YEATS2: variants seen among roughly 807,000 people sequenced by gnomAD.
YEATS2 encodes the protein YEATS domain containing 2.
YEATS2 carries 77 observed loss-of-function variants against 163.2 expected under a neutral mutation model. The observed-to-expected ratio is 0.47, with a 90% CI of 0.39 to 0.57. YEATS2 has a LOEUF of 0.57. Ranked by LOEUF, YEATS2 falls within the 20% of genes least tolerant of loss-of-function variation. The probability of loss-of-function intolerance (pLI) is 0.00; values close to 1 mark genes in which losing one functional copy is unlikely to be tolerated. For synonymous variants in YEATS2, 631 were observed against 645.1 expected (o/e 0.98, Z 0.33); for missense variants, 1,549 against 1,729.8 (o/e 0.90, Z 1.85).
intron 5 of YEATS2, among the ~76,000 whole-genome samples, chr3:183,723,605 T>C (rs1402411739): frequency 1.3e-5 from 2 of 152,060 alleles, no homozygotes; most frequent in Non-Finnish European, 2.9e-5. Context: ...TGTGTTTTTC[T>C]TTTTTTTAGT....
chr3:183,749,919 G>A (rs1199918910), intron 9 of YEATS2, among the ~76,000 whole-genome samples: 2 of 152,080 alleles, frequency 1.3e-5, no homozygotes, highest in East Asian at 1.9e-4. Context: ...CCGGGTTCAC[G>A]CCATTCTCCT....
rs573338439 is a variant in YEATS2 at position 183,795,455 on chromosome 3, ATTTTTTTTTTTT to A, written c.3098-2451_3098-2440del. ...AGGGGCATGCCACCACACGGGACTA[ATTTTTTTTTTTT>A]TTTTTTTTTTTTTTTTAGAGACGGG... is the stretch of plus-strand genomic sequence containing the variant. On this transcript the variant is annotated intron_variant, in intron 21 of 30. Coordinates refer to ENST00000305135, the MANE Select transcript of YEATS2 (RefSeq NM_018023.5). 7.8e-4 allele frequency among the ~76,000 whole-genome samples: 62 copies of A among 79,936 alleles called. No individual in the cohort carries two copies. In the East Asian group the frequency reaches 9.0e-3, roughly 12 times the overall value. 52.4% of individuals were successfully genotyped at this position (79,936 alleles called of 152,430 possible). A position where few individuals can be genotyped will look rare whatever the true frequency, so the allele number is the denominator to read the frequency against.
In YEATS2 at chr3:183,718,354, G is replaced by T. The variant is rs116652185; in HGVS notation, c.199-146G>T. 6.5e-3 allele frequency: 3,960 copies of T among 604,584 alleles called. 124 individuals carry two copies. The African/African-American group carries it at 0.069, about 11-fold the overall frequency. The allele number at this position is 604,584 out of a possible 1,614,324, so 37.5% of individuals were successfully genotyped here. A position where few individuals can be genotyped will look rare whatever the true frequency, so the allele number is the denominator to read the frequency against. ...CTTTGCGAATCTGATGGGTGGAAAAGGTCACTTTTATTTGTTTTTCTTTTG... is the reference window on the plus strand; with the variant it reads ...CTTTGCGAATCTGATGGGTGGAAAATGTCACTTTTATTTGTTTTTCTTTTG... On this transcript the variant is annotated intron_variant, in intron 3 of 30. Coordinates refer to ENST00000305135, the MANE Select transcript of YEATS2 (RefSeq NM_018023.5).
chr3:183,738,559 C>T (rs56991098), intron 8 of YEATS2, among the ~76,000 whole-genome samples: 14 of 113,020 alleles, frequency 1.2e-4, no homozygotes, highest in Non-Finnish European at 2.0e-4. Context: ...CCCCTCCCCC[C>T]ACCCCACCAC....
intron 1 of YEATS2, among the ~76,000 whole-genome samples, chr3:183,709,972 G>T (rs1715027370): frequency 6.6e-6 from 1 of 152,002 alleles, no homozygotes; most frequent in Non-Finnish European, 1.5e-5. Context: ...GAGCCACCAT[G>T]CCTGACCCGA....
At chr3:183,737,708 T>TAA (rs1458410842) in intron 8 of YEATS2, among the ~76,000 whole-genome samples, 1 of 152,264 alleles carries the variant, frequency 6.6e-6, no homozygotes, top group Non-Finnish European at 1.5e-5. Context: ...CCTTTAATGA[T>TAA]AAATGTAGCC....
intron 20 of YEATS2, among the ~76,000 whole-genome samples, 160 bp downstream of exon 20, chr3:183,786,461 G>A (rs1346828693): frequency 4.0e-5 from 6 of 151,372 alleles, no homozygotes; most frequent in East Asian, 3.9e-4. Context: ...TCCCCATTTT[G>A]TAGTATATAG....
intron 21 of YEATS2, among the ~76,000 whole-genome samples, chr3:183,791,210 T>G (rs886639562): frequency 4.6e-5 from 7 of 152,086 alleles, no homozygotes; most frequent in South Asian, 2.1e-4. Context: ...ATTTTTTGTG[T>G]TTTTGGTAGA....
intron 25 of YEATS2, chr3:183,802,981 C>T (rs1725834235): frequency 2.7e-6 from 1 of 375,998 alleles, no homozygotes; most frequent in African/African-American, 2.1e-5. Context: ...AGTGGAGCAC[C>T]AGTTCCACAG....
intron 19 of YEATS2, among the ~76,000 whole-genome samples, chr3:183,780,430 T>G (rs1268987107): frequency 2.6e-5 from 4 of 152,234 alleles, no homozygotes; most frequent in Non-Finnish European, 5.9e-5. Context: ...CACGTAAGGC[T>G]TTTATCACTT....
In YEATS2 at chr3:183,762,126, C is replaced by T; in HGVS notation, c.1794C>T (p.Ala598=). ...KVIIKQEPGE[A]PHVPATGAAS... ...TCATCAAACAGGAACCTGGTGAAGC[C>T]CCTCACGTGCCCGCAACAGGAGCTG... Residue 598 remains alanine, a synonymous_variant, in exon 15 of 31, where the codon GCC becomes GCT. Transcript: ENST00000305135. 2 of 1,614,042 alleles carry T rather than the reference C, an allele frequency of 1.2e-6. No individual in the cohort carries two copies. Among genetic ancestry groups the T allele is most frequent in the Non-Finnish European group, 1.7e-6 (2 of 1,180,000 alleles).
At position 183,728,924 on chromosome 3, in the gene YEATS2, A is replaced by G. The variant is rs371283038; in HGVS notation, c.812+73A>G. The G allele has an allele frequency of 2.8e-5, 40 of 1,425,576 alleles. No homozygotes were observed. The African/African-American group carries it at 4.7e-4, about 17-fold the overall frequency. The allele number at this position is 1,425,576 out of a possible 1,614,324, so 88.3% of individuals were successfully genotyped here. A position where few individuals can be genotyped will look rare whatever the true frequency, so the allele number is the denominator to read the frequency against. Reference sequence around the variant, plus strand: ...TTTGAAGTGGAAGAAAAGTGATTTAACTTCAAAACATTTCCTGGAAATGCA... The same window carrying G: ...TTTGAAGTGGAAGAAAAGTGATTTAGCTTCAAAACATTTCCTGGAAATGCA... On this transcript the variant is annotated intron_variant, in intron 7 of 30. Coordinates refer to ENST00000305135, the MANE Select transcript of YEATS2 (RefSeq NM_018023.5).
chr3:183,777,836 C>T (rs1010805300), intron 19 of YEATS2, 136 bp downstream of exon 19: 13 of 1,249,424 alleles, frequency 1.0e-5, no homozygotes, highest in Admixed American at 8.9e-5. Flanking sequence ...GGAGTGGTCG[C>T]TCACGTCTGT....
chr3:183,790,202 C>G (rs1048022621), intron 20 of YEATS2, among the ~76,000 whole-genome samples: 9 of 152,304 alleles, frequency 5.9e-5, no homozygotes, highest in African/African-American at 2.2e-4. Context: ...GAAGCTTTTT[C>G]CTGTACCCTC....
intron 16 of YEATS2, 79 bp from the exon 17 acceptor site, chr3:183,773,554 T>C (rs1722683814): frequency 7.3e-7 from 1 of 1,371,114 alleles, no homozygotes; most frequent in Non-Finnish European, 9.8e-7. Flanking sequence ...AATAAGAATT[T>C]ATTGCCTTGT....
intron 1 of YEATS2, among the ~76,000 whole-genome samples, chr3:183,714,634 T>C (rs1715641523): frequency 6.6e-6 from 1 of 152,212 alleles, no homozygotes; most frequent in Non-Finnish European, 1.5e-5. Flanking sequence ...GTAATAGTGA[T>C]ACCTGCTAAG....
chr3:183,699,410 C>T (rs1713827118), intron 1 of YEATS2, among the ~76,000 whole-genome samples: 1 of 151,612 alleles, frequency 6.6e-6, no homozygotes, highest in African/African-American at 2.4e-5. Context: ...GAGGCTAGAG[C>T]TAGAGATAAA....
chr3:183,794,327 T>G (rs1724941408), intron 21 of YEATS2, among the ~76,000 whole-genome samples: 2 of 152,230 alleles, frequency 1.3e-5, no homozygotes, highest in South Asian at 4.1e-4. Context: ...ACTGCTACTT[T>G]CAAAAGGCAC....
chr3:183,749,263 A>G (rs183971325), intron 9 of YEATS2, among the ~76,000 whole-genome samples: 1 of 152,310 alleles, frequency 6.6e-6, no homozygotes, highest in Non-Finnish European at 1.5e-5. Flanking sequence ...TTTTTTAAAA[A>G]TTGTGCTTAA....
Sources: gnomAD v4.1 joint callset for allele counts (sites outside exome capture counted in the v4.1 genomes callset) on GRCh38, gnomAD v4.1.1 for gene constraint, MANE v1.5 for transcripts, NCBI Gene and HGNC (gene_info 2026-07-23, HGNC 2026-07-21) for gene names.